Variants in GREB1L observed in about 807,000 individuals in gnomAD.
GREB1L encodes GREB1-like protein.
A neutral mutation model predicts 200.8 loss-of-function variants in GREB1L; 17 were observed. The observed-to-expected ratio is 0.08, with a 90% CI of 0.06 to 0.13. The LOEUF is 0.13. Ranked by LOEUF, GREB1L falls within the 10% of genes least tolerant of loss-of-function variation. The probability of loss-of-function intolerance (pLI) is 1.00; values close to 1 mark genes in which losing one functional copy is unlikely to be tolerated. For missense variants in GREB1L, 1,657 were observed against 2,367.7 expected, an observed-to-expected ratio of 0.70 and a Z score of 6.23; for synonymous variants, 789 against 893.0, an observed-to-expected ratio of 0.88 and a Z score of 2.08.
rs8095300 is a variant in GREB1L at position 21,297,966 on chromosome 18, C to T, written c.-120+55573C>T. Among the ~76,000 whole-genome samples the T allele has an allele frequency of 3.3e-3, 505 of 151,726 alleles. 2 individuals are homozygous for T. The highest frequency in any genetic ancestry group is 0.012 in the African/African-American group (487 of 41,354). On this transcript the variant is annotated intron_variant, in intron 1 of 32. Transcript: ENST00000424526. ...AAAGGAGAAAGGAAAACAATGATGGCCATCATTTGGTGACTGGGCAGTGAG... is the reference window on the plus strand; with the variant it reads ...AAAGGAGAAAGGAAAACAATGATGGTCATCATTTGGTGACTGGGCAGTGAG...
At chr18:21,427,635 T>G (rs2032720742) in intron 7 of GREB1L, among the ~76,000 whole-genome samples, 1 of 152,238 alleles carries the variant, frequency 6.6e-6, no homozygotes, top group Non-Finnish European at 1.5e-5. Flanking sequence ...AGTTTTTCCT[T>G]AAGTATATTT....
intron 1 of GREB1L, among the ~76,000 whole-genome samples, chr18:21,243,531 A>T (rs2037543312): frequency 6.6e-6 from 1 of 152,204 alleles, no homozygotes; most frequent in Non-Finnish European, 1.5e-5. Flanking sequence ...TGCTTAAATC[A>T]CATTTTTAAA....
At chr18:21,492,610 A>G (rs2036386388) in intron 19 of GREB1L, among the ~76,000 whole-genome samples, 1 of 152,198 alleles carries the variant, frequency 6.6e-6, no homozygotes, top group Non-Finnish European at 1.5e-5. Context: ...AACCACAGTC[A>G]AGGCCTGAGG....
At chr18:21,281,184 C>A (rs2038263261) in intron 1 of GREB1L, among the ~76,000 whole-genome samples, 2 of 152,204 alleles carry the variant, frequency 1.3e-5, no homozygotes, top group South Asian at 4.1e-4. Flanking sequence ...CTGTTAATAA[C>A]CTCACCTTTG....
chr18:21,291,363 G>T (rs2038447572), intron 1 of GREB1L, among the ~76,000 whole-genome samples: 1 of 152,158 alleles, frequency 6.6e-6, no homozygotes, highest in Non-Finnish European at 1.5e-5. Flanking sequence ...AGCCTTCCCT[G>T]ACTCGCTATC....
At chr18:21,426,973 C>CAAAAAAAAAAAAAAAAAAA (rs56776768) in intron 7 of GREB1L, among the ~76,000 whole-genome samples, 2 of 83,776 alleles carry the variant, frequency 2.4e-5, no homozygotes, top group African/African-American at 3.2e-5. Context: ...AAAAAAAAAA[C>CAAAAAAAAAAAAAAAAAAA]AAAAAAAAAA....
intron 1 of GREB1L, among the ~76,000 whole-genome samples, chr18:21,295,251 A>G (rs1333453389): frequency 2.0e-5 from 3 of 152,206 alleles, no homozygotes; most frequent in African/African-American, 7.2e-5. Flanking sequence ...TGTGACCATC[A>G]GGTCAGAGAA....
At position 21,299,671 on chromosome 18, in the gene GREB1L, T is replaced by C. The variant is rs117360581; in HGVS notation, c.-120+57278T>C. On this transcript the variant is annotated intron_variant, in intron 1 of 32. Coordinates refer to ENST00000424526, the MANE Select transcript of GREB1L (RefSeq NM_001142966.3). Reference sequence around the variant, plus strand: ...CTAAGATGTTTAAACCGTTAGATTGTATTTTATGGGCAGTGTATTGAACTT... The same window carrying C: ...CTAAGATGTTTAAACCGTTAGATTGCATTTTATGGGCAGTGTATTGAACTT... Among the ~76,000 whole-genome samples, 277 of 152,332 alleles carry C rather than the reference T, an allele frequency of 1.8e-3. 6 individuals are homozygous for C. In the East Asian group the frequency reaches 0.042, roughly 23 times the overall value.
At chr18:21,520,872 A>G in intron 32 of GREB1L, 49 bp downstream of exon 32, 2 of 1,450,532 alleles carry the variant, frequency 1.4e-6, no homozygotes, top group Non-Finnish European at 1.8e-6. Flanking sequence ...GTTCCCACTG[A>G]GCAAAATACA....
At chr18:21,408,821 G>A (rs1181075914) in intron 7 of GREB1L, among the ~76,000 whole-genome samples, 37 of 147,856 alleles carry the variant, frequency 2.5e-4, no homozygotes, top group African/African-American at 8.9e-4. Flanking sequence ...AAAGTAATGA[G>A]ATACTACTTC....
At chr18:21,387,186 T>TA (rs2040578690) in intron 4 of GREB1L, among the ~76,000 whole-genome samples, 1 of 152,202 alleles carries the variant, frequency 6.6e-6, no homozygotes, top group Admixed American at 6.5e-5. Context: ...GGCCTCCAAA[T>TA]ACTGCTTTGA....
At position 21,508,240 on chromosome 18, in the gene GREB1L, G is replaced by C; in HGVS notation, c.4491G>C (p.Lys1497Asn). ...ESHFVFSKQG[K>N]HLESMRLPLV... is the part of the protein sequence containing the mutation. Reference sequence around the variant, plus strand: ...ATTTTGTCTTCAGCAAGCAGGGCAAGCACCTGGAGAGCATGCGGCTGCCCC... The same window carrying C: ...ATTTTGTCTTCAGCAAGCAGGGCAACCACCTGGAGAGCATGCGGCTGCCCC... The change falls in exon 26 of 33, where the codon AAG becomes AAC. Residue 1497 changes from lysine to asparagine, a missense_variant. Around this residue, in one of 9 missense-constraint regions of GREB1L, gnomAD observed 151 missense variants for 309.6 expected, o/e 0.49. Transcript: ENST00000424526. The C allele has an allele frequency of 6.4e-7, 1 of 1,551,812 alleles. No homozygotes were observed. Among genetic ancestry groups the C allele is most frequent in the Non-Finnish European group, 8.7e-7 (1 of 1,147,038 alleles).
At chr18:21,420,639 C>G (rs2032074922) in intron 7 of GREB1L, among the ~76,000 whole-genome samples, 1 of 152,100 alleles carries the variant, frequency 6.6e-6, no homozygotes, top group African/African-American at 2.4e-5. Context: ...AAGACTACAT[C>G]AAGCAATGGT....
At chr18:21,442,709 C>A (rs1357670293) in intron 10 of GREB1L, among the ~76,000 whole-genome samples, 8 of 150,742 alleles carry the variant, frequency 5.3e-5, no homozygotes, top group Admixed American at 2.6e-4. Context: ...GCTAAGATAA[C>A]AAAGGAACAG....
At position 21,444,397 on chromosome 18, in the gene GREB1L, C is replaced by T; in HGVS notation, c.1381C>T (p.Leu461Phe). The change falls in exon 11 of 33, where the codon CTT (leucine) becomes TTT (phenylalanine). Residue 461 changes from leucine to phenylalanine, a missense_variant. By Grantham distance (22) the Leu-to-Phe change is conservative. Transcript: ENST00000424526. ...ENMILLTIQYLVRLGPDQVPL... is the reference protein window; with the variant it reads ...ENMILLTIQYFVRLGPDQVPL... ...CATGATTCTTCTGACGATACAGTAT[C>T]TTGTGCGGCTGGGTAAGTCATTTTC... The T allele has an allele frequency of 6.4e-7, 1 of 1,551,820 alleles. No individual in the cohort carries two copies. Among genetic ancestry groups the T allele is most frequent in the Non-Finnish European group, 8.7e-7 (1 of 1,146,772 alleles).
In GREB1L at chr18:21,279,656, A is replaced by G. The variant is rs117909742; in HGVS notation, c.-120+37263A>G. Among the ~76,000 whole-genome samples, 222 of 152,248 alleles carry G rather than the reference A, an allele frequency of 1.5e-3. 2 individuals carry two copies. Among genetic ancestry groups the G allele is most frequent in the Non-Finnish European group, 2.3e-3 (158 of 68,010 alleles). On this transcript the variant is annotated intron_variant, in intron 1 of 32. Coordinates refer to ENST00000424526, the MANE Select transcript of GREB1L (RefSeq NM_001142966.3). The stretch of plus-strand genomic sequence containing the variant: ...ATGGGGTCTTGCTGTGTTCATTTTA[A>G]GAGGTGGGGTCTTGCTATGTTGCCC...
chr18:21,441,753 G>A (rs1283645781), intron 10 of GREB1L, among the ~76,000 whole-genome samples: 1 of 152,116 alleles, frequency 6.6e-6, no homozygotes, highest in Non-Finnish European at 1.5e-5. Context: ...GTTTAGTGGG[G>A]GAGTCTCACC....
intron 1 of GREB1L, among the ~76,000 whole-genome samples, chr18:21,261,787 C>A (rs1489311277): frequency 6.6e-6 from 1 of 152,038 alleles, no homozygotes; most frequent in Non-Finnish European, 1.5e-5. Flanking sequence ...GTAAATATTT[C>A]TCAAGCAACC....
chr18:21,425,930 G>A (rs568093034), intron 7 of GREB1L, among the ~76,000 whole-genome samples: 18 of 151,890 alleles, frequency 1.2e-4, no homozygotes, highest in South Asian at 2.1e-4. Context: ...TTGTGTTTTC[G>A]GTGTTATAGC....
Sources: gnomAD v4.1 joint callset for allele counts (sites outside exome capture counted in the v4.1 genomes callset) on GRCh38, gnomAD v4.1.1 for gene constraint, gnomAD v4.1.1 regional missense constraint, MANE v1.5 for transcripts, NCBI Gene and HGNC (gene_info 2026-07-23, HGNC 2026-07-21) for gene names.